The following STOX2 variants were observed in gnomAD, a reference collection of about 807,000 sequenced individuals.
STOX2 encodes the protein storkhead-box protein 2.
In STOX2, 28 loss-of-function variants were observed where a neutral mutation model predicts 60.9. The ratio of observed to expected loss-of-function variants is 0.46; its 90% CI spans 0.34 to 0.63. The LOEUF (loss-of-function observed/expected upper bound fraction) is 0.63. Among genes scored for constraint, STOX2 ranks in the 30% least tolerant of loss-of-function variants. STOX2 has a pLI of 0.01. For missense variants in STOX2, 1,024 were observed against 1,187.7 expected (o/e 0.86, Z 2.03); for synonymous variants, 472 against 463.9 (o/e 1.02, Z -0.22).
In STOX2 at chr4:183,877,965, C is replaced by T. The variant is rs144311533; in HGVS notation, c.364+79910C>T. On this transcript the variant is annotated intron_variant, in intron 1 of 2. Coordinates refer to the STOX2 transcript ENST00000513034. Reference sequence around the variant, plus strand: ...TCGGCCTCCCAAAGTGCTGGGATTACAGGTGTGAGCCACAGTACCTGGCTT... The same window carrying T: ...TCGGCCTCCCAAAGTGCTGGGATTATAGGTGTGAGCCACAGTACCTGGCTT... 6.2e-3 allele frequency among the ~76,000 whole-genome samples: 937 copies of T among 152,302 alleles called. 11 individuals are homozygous for T. Among genetic ancestry groups the T allele is most frequent in the African/African-American group, 0.021 (863 of 41,552 alleles).
rs997530320 is a variant in STOX2 at position 183,865,347 on chromosome 4, C to T, written c.364+67292C>T. 1.4e-4 allele frequency among the ~76,000 whole-genome samples: 21 copies of T among 152,104 alleles called. No homozygotes were observed. The highest frequency in any genetic ancestry group is 5.1e-4 in the African/African-American group (21 of 41,402). On this transcript the variant is annotated intron_variant, in intron 1 of 2. Transcript: ENST00000513034. The surrounding 1 kb of genome is among the most constrained non-coding windows in gnomAD (Gnocchi z 4.1). Reference sequence around the variant, plus strand: ...GGGGTGGGTGGGATTGCTGTTTTACCTGTCTTTTGGTTCATGAGTTAGGCA... The same window carrying T: ...GGGGTGGGTGGGATTGCTGTTTTACTTGTCTTTTGGTTCATGAGTTAGGCA...
In STOX2 at chr4:184,017,417, GT is replaced by G; in HGVS notation, c.*134del. 1 of 949,826 alleles carries G rather than the reference GT, an allele frequency of 1.1e-6. No homozygotes were observed. The highest frequency in any genetic ancestry group is 1.5e-6 in the Non-Finnish European group (1 of 659,018). 58.8% of individuals were successfully genotyped at this position (949,826 alleles called of 1,614,324 possible). On this transcript the variant is annotated 3_prime_UTR_variant, in exon 4 of 4. Coordinates refer to ENST00000308497, the MANE Select transcript of STOX2 (RefSeq NM_020225.3). ...GTGTTTACTTAAACTGTGCTGCTAA[GT>G]AGGGCTAGGGCAAAAAAACAAAAAA... is the stretch of plus-strand genomic sequence containing the variant.
intron 1 of STOX2, among the ~76,000 whole-genome samples, chr4:183,996,198 C>T (rs1733340053): frequency 1.3e-5 from 2 of 152,192 alleles, no homozygotes; most frequent in African/African-American, 2.4e-5. Flanking sequence ...CCTCTGAGGA[C>T]TGTACTTAAA....
chr4:183,818,599 T>C (rs1739212908), intron 1 of STOX2, among the ~76,000 whole-genome samples: 1 of 152,236 alleles, frequency 6.6e-6, no homozygotes, highest in Admixed American at 6.5e-5. Flanking sequence ...CCGTTCTCAA[T>C]GAGCTGTTGA....
intron 1 of STOX2, among the ~76,000 whole-genome samples, chr4:183,920,787 T>A (rs1486867923): frequency 6.6e-6 from 1 of 152,152 alleles, no homozygotes; most frequent in Non-Finnish European, 1.5e-5. Context: ...TCCTTAGTCG[T>A]CTTAATTGGC....
chr4:183,977,545 T>TTGTGTGTGTGTGTGTGTGTGTGTGTGTG, intron 1 of STOX2, among the ~76,000 whole-genome samples: 1 of 47,036 alleles, frequency 2.1e-5, no homozygotes. Context: ...GCATTCCATT[T>TTGTGTGTGTGTGTGTGTGTGTGTGTGTG]CGTGTGTGTG....
chr4:183,887,024 T>C (rs1165319365), intron 1 of STOX2, among the ~76,000 whole-genome samples: 3 of 152,108 alleles, frequency 2.0e-5, no homozygotes, highest in Non-Finnish European at 4.4e-5. Flanking sequence ...TTTGGGAGGC[T>C]GAAGCAGGAG....
At chr4:183,919,491 CTG>C (rs1315261841) in intron 1 of STOX2, among the ~76,000 whole-genome samples, 1 of 152,166 alleles carries the variant, frequency 6.6e-6, no homozygotes, top group African/African-American at 2.4e-5. Context: ...TAAGCACAGT[CTG>C]AGAGCATGCT....
intron 1 of STOX2, among the ~76,000 whole-genome samples, chr4:183,801,838 G>T (rs1315713678): frequency 6.6e-6 from 1 of 152,122 alleles, no homozygotes; most frequent in African/African-American, 2.4e-5. Context: ...GAAGTGATTT[G>T]ATCTGTGTTA....
intron 1 of STOX2, among the ~76,000 whole-genome samples, chr4:183,949,909 TC>T (rs1342599687): frequency 6.6e-6 from 1 of 152,204 alleles, no homozygotes. Context: ...TTTGTATCCC[TC>T]CTCTAGCAAT....
At chr4:183,852,820 AAATC>A (rs1192773035) in intron 1 of STOX2, among the ~76,000 whole-genome samples, 2 of 152,220 alleles carry the variant, frequency 1.3e-5, no homozygotes, top group Non-Finnish European at 2.9e-5. Flanking sequence ...TAGAGAGTAG[AAATC>A]TATAAGTTCC....
intron 1 of STOX2, among the ~76,000 whole-genome samples, chr4:183,940,952 T>C (rs1321312883): frequency 6.6e-6 from 1 of 152,192 alleles, no homozygotes; most frequent in Non-Finnish European, 1.5e-5. Context: ...GCCACGAAAA[T>C]GAAACATTCA....
intron 1 of STOX2, 33 bp downstream of exon 1, chr4:183,906,989 C>A: frequency 6.7e-7 from 1 of 1,493,434 alleles, no homozygotes; most frequent in Non-Finnish European, 9.0e-7. Context: ...GCCCCCGGGC[C>A]GGGGCCGCGG....
intron 1 of STOX2, among the ~76,000 whole-genome samples, chr4:183,798,228 T>G (rs1738674235): frequency 6.6e-6 from 1 of 151,266 alleles, no homozygotes; most frequent in Non-Finnish European, 1.5e-5. Flanking sequence ...AGCGTGGGAT[T>G]GGGGAACTTC....
chr4:183,980,463 G>A (rs1320454971), intron 1 of STOX2, among the ~76,000 whole-genome samples: 2 of 152,124 alleles, frequency 1.3e-5, no homozygotes, highest in African/African-American at 4.8e-5. Flanking sequence ...GTCTGTCCCC[G>A]GATACGGAGG....
chr4:183,964,558 A>C (rs1743505250), intron 1 of STOX2, among the ~76,000 whole-genome samples: 1 of 152,190 alleles, frequency 6.6e-6, no homozygotes, highest in Non-Finnish European at 1.5e-5. Context: ...AGCTAAGTAT[A>C]AAACAGGTGT....
At chr4:183,883,486 A>AT (rs1232534623) in intron 1 of STOX2, among the ~76,000 whole-genome samples, 1 of 151,766 alleles carries the variant, frequency 6.6e-6, no homozygotes, top group Admixed American at 6.6e-5. Flanking sequence ...CGCCCAGCTA[A>AT]TTTTTTGTTT....
chr4:183,990,838 G>C (rs967269051), intron 1 of STOX2, among the ~76,000 whole-genome samples: 2 of 151,948 alleles, frequency 1.3e-5, no homozygotes, highest in Non-Finnish European at 2.9e-5. Flanking sequence ...CGGTTTACTT[G>C]AATTATATTG....
intron 1 of STOX2, among the ~76,000 whole-genome samples, chr4:183,922,803 C>T (rs1035349228): frequency 1.3e-5 from 2 of 152,158 alleles, no homozygotes; most frequent in Non-Finnish European, 2.9e-5. Context: ...TCCTCCCTAC[C>T]CTCATCCCCT....
Sources: gnomAD v4.1 joint callset for allele counts (sites outside exome capture counted in the v4.1 genomes callset) on GRCh38, gnomAD v4.1.1 for gene constraint, Gnocchi (gnomAD v3.1) non-coding constraint, MANE v1.5 for transcripts, NCBI Gene and HGNC (gene_info 2026-07-23, HGNC 2026-07-21) for gene names.